Variants in ABTB3 observed in about 807,000 individuals in gnomAD.
The protein encoded by ABTB3 is ankyrin repeat and BTB domain containing 3.
At chr12:107,543,715 G>T in the ABTB3 span, among the ~76,000 whole-genome samples, 1 of 151,918 alleles carries the variant, frequency 6.6e-6, no homozygotes, top group South Asian at 2.1e-4. Context: ...GATCTTAGCC[G>T]CCCTCTGTGC....
chr12:107,459,860 C>T, the ABTB3 span, among the ~76,000 whole-genome samples: 1 of 152,224 alleles, frequency 6.6e-6, no homozygotes, highest in Non-Finnish European at 1.5e-5. Context: ...CCAGAGTGCC[C>T]CCTACAGCCC....
chr12:107,524,195 G>A, the ABTB3 span, among the ~76,000 whole-genome samples: 6 of 152,326 alleles, frequency 3.9e-5, no homozygotes, highest in Non-Finnish European at 5.9e-5. Context: ...TGCTAATTGC[G>A]AATGGGTTTT....
the ABTB3 span, among the ~76,000 whole-genome samples, chr12:107,445,863 T>TCCCCTCTC: frequency 2.8e-5 from 3 of 106,432 alleles, no homozygotes; most frequent in Non-Finnish European, 3.8e-5. Context: ...TCTCCAAATC[T>TCCCCTCTC]CCCTCTCCCC....
At chr12:107,641,127 G>A in the ABTB3 span, among the ~76,000 whole-genome samples, 1 of 152,186 alleles carries the variant, frequency 6.6e-6, no homozygotes, top group Admixed American at 6.5e-5. Context: ...TTTGCTAAGA[G>A]AATGTGTGTG....
At chr12:107,337,121 A>C in the ABTB3 span, among the ~76,000 whole-genome samples, 1 of 152,254 alleles carries the variant, frequency 6.6e-6, no homozygotes, top group African/African-American at 2.4e-5. Flanking sequence ...CTGTGTCTGC[A>C]TAGACTTTTG....
At chr12:107,338,804 A>C in the ABTB3 span, among the ~76,000 whole-genome samples, 2 of 152,308 alleles carry the variant, frequency 1.3e-5, no homozygotes, top group Non-Finnish European at 2.9e-5. Flanking sequence ...CACCCAGAGC[A>C]TTTTAATTAA....
chr12:107,354,962 G>GT, the ABTB3 span, among the ~76,000 whole-genome samples: 1 of 152,110 alleles, frequency 6.6e-6, no homozygotes, highest in Non-Finnish European at 1.5e-5. Flanking sequence ...ATAGTATTGT[G>GT]TACTTGAGAT....
the ABTB3 span, among the ~76,000 whole-genome samples, chr12:107,416,578 C>G: frequency 1.3e-5 from 2 of 152,166 alleles, no homozygotes; most frequent in African/African-American, 2.4e-5. Context: ...GAGTAACTCA[C>G]TTACAGTTGA....
At chr12:107,379,653 C>T in the ABTB3 span, among the ~76,000 whole-genome samples, 1 of 152,200 alleles carries the variant, frequency 6.6e-6, no homozygotes, top group Admixed American at 6.5e-5. Flanking sequence ...GTATCCCCCA[C>T]ATCCCATCCT....
At chr12:107,583,008 C>G in the ABTB3 span, among the ~76,000 whole-genome samples, 1 of 152,302 alleles carries the variant, frequency 6.6e-6, no homozygotes, top group Middle Eastern at 3.4e-3. Flanking sequence ...AAGTTAGGAG[C>G]CTGGGCTCCA....
the ABTB3 span, among the ~76,000 whole-genome samples, chr12:107,482,914 T>G: frequency 2.3e-5 from 1 of 43,214 alleles, no homozygotes; most frequent in Non-Finnish European, 4.0e-5. Flanking sequence ...CTCTTTCTTC[T>G]TCTTTCTTTC....
At chr12:107,405,859 C>T in the ABTB3 span, among the ~76,000 whole-genome samples, 3 of 152,324 alleles carry the variant, frequency 2.0e-5, no homozygotes, top group Admixed American at 6.5e-5. Flanking sequence ...GTGGAGGTCC[C>T]CACTCTGCTC....
chr12:107,526,336 G>A, the ABTB3 span, among the ~76,000 whole-genome samples: 1 of 152,184 alleles, frequency 6.6e-6, no homozygotes, highest in Admixed American at 6.5e-5. Flanking sequence ...AAATTTGCCA[G>A]GTGATGGACT....
At chr12:107,579,247 G>A in the ABTB3 span, among the ~76,000 whole-genome samples, 53 of 152,348 alleles carry the variant, frequency 3.5e-4, 1 homozygote, top group African/African-American at 1.1e-3. Flanking sequence ...ATGCCAGCAA[G>A]AGTCCATGAC....
chr12:107,643,828 A>AT, the ABTB3 span, among the ~76,000 whole-genome samples: 1 of 147,660 alleles, frequency 6.8e-6, no homozygotes, highest in African/African-American at 2.5e-5. Flanking sequence ...TAGTGGCACA[A>AT]TCTTGGCTCA....
At chr12:107,651,366 C>T in the ABTB3 span, among the ~76,000 whole-genome samples, 19 of 152,306 alleles carry the variant, frequency 1.2e-4, no homozygotes, top group Non-Finnish European at 2.6e-4. Context: ...TGATAATACC[C>T]TGATTTTCAC....
At chr12:107,394,057 GT>G in the ABTB3 span, among the ~76,000 whole-genome samples, 1 of 152,194 alleles carries the variant, frequency 6.6e-6, no homozygotes, top group Non-Finnish European at 1.5e-5. Context: ...CAAAGCCAGG[GT>G]CCTTAACCAA....
At chr12:107,397,963 TG>T in the ABTB3 span, among the ~76,000 whole-genome samples, 4 of 152,350 alleles carry the variant, frequency 2.6e-5, no homozygotes, top group African/African-American at 9.6e-5. Flanking sequence ...TCTCTTCGCC[TG>T]GATAGGAATA....
chr12:107,640,342 T>C, the ABTB3 span: 1 of 1,596,106 alleles, frequency 6.3e-7, no homozygotes. Flanking sequence ...AAGAAATGTC[T>C]GATGTTACAT....
Sources: allele counts gnomAD v4.1 joint callset (sites outside exome capture counted in the v4.1 genomes callset), GRCh38; gene constraint gnomAD v4.1.1; transcripts MANE v1.5; gene names NCBI Gene and HGNC (gene_info 2026-07-23, HGNC 2026-07-21).